Variants in LGR5 observed in about 807,000 individuals in gnomAD.
LGR5 encodes the protein leucine rich repeat containing G protein-coupled receptor 5.
A neutral mutation model predicts 76.7 loss-of-function variants in LGR5; 54 were observed. The ratio of observed to expected loss-of-function variants is 0.70; its 90% confidence interval spans 0.57 to 0.88. The LOEUF is 0.88. Ranked by LOEUF, LGR5 falls within the 40% of genes least tolerant of loss-of-function variation. LGR5 has a pLI of 0.00. For synonymous variants in LGR5, 406 were observed against 421.9 expected (o/e 0.96, Z 0.46); for missense variants, 1,078 against 1,073.3 (o/e 1.00, Z -0.06).
At chr12:71,484,545 G>A (rs748706372) in intron 1 of LGR5, among the ~76,000 whole-genome samples, 3 of 152,126 alleles carry the variant, frequency 2.0e-5, no homozygotes, top group Non-Finnish European at 4.4e-5. Context: ...CTCTGAGTGG[G>A]GTCTTTTCCT....
Position 71,504,175 on chromosome 12 carries a change from T to C in LGR5, c.213-439T>C, listed in dbSNP as rs571205829. Among the ~76,000 whole-genome samples, 4 of 152,334 alleles carry C rather than the reference T, an allele frequency of 2.6e-5. No individual in the cohort carries two copies. In the South Asian group the frequency reaches 8.3e-4, roughly 32 times the overall value. ...TTAAATTTCTTTGAATCAAAACATT[T>C]GTTTTTACAAGGTGCTTAAAGTCCC... On this transcript the variant is annotated intron_variant, in intron 1 of 17. Coordinates refer to ENST00000266674, the MANE Select transcript of LGR5 (RefSeq NM_003667.4).
upstream of LGR5, among the ~76,000 whole-genome samples, chr12:71,439,531 T>TG (rs146161102): frequency 0.011 from 1,679 of 151,490 alleles, 33 homozygotes; most frequent in African/African-American, 0.038. Flanking sequence ...GGGGTAAGGG[T>TG]GGGGGGGTCC....
chr12:71,498,261 T>C (rs56107425), intron 1 of LGR5, among the ~76,000 whole-genome samples: 13,614 of 152,098 alleles, frequency 0.09, 648 homozygotes, highest in Non-Finnish European at 0.11. Context: ...CTCCCAAGAG[T>C]ATTTTATTTC....
At chr12:71,452,961 C>G (rs538370756) in intron 1 of LGR5, among the ~76,000 whole-genome samples, 1 of 152,178 alleles carries the variant, frequency 6.6e-6, no homozygotes, top group Non-Finnish European at 1.5e-5. Context: ...TATTATCACA[C>G]TAAACTCATG....
At chr12:71,456,200 AT>A (rs1872467204) in intron 1 of LGR5, among the ~76,000 whole-genome samples, 1 of 152,190 alleles carries the variant, frequency 6.6e-6, no homozygotes. Context: ...ATAAGTCCAC[AT>A]AAAGACGGGG....
chr12:71,575,716 A>G (rs1280524324), intron 13 of LGR5, among the ~76,000 whole-genome samples: 1 of 91,798 alleles, frequency 1.1e-5, no homozygotes, highest in Non-Finnish European at 2.0e-5. Context: ...ATCTCAAAAA[A>G]TATATATGTG....
At chr12:71,481,672 A>G (rs1873609908) in intron 1 of LGR5, among the ~76,000 whole-genome samples, 1 of 152,214 alleles carries the variant, frequency 6.6e-6, no homozygotes, top group Admixed American at 6.5e-5. Context: ...TTGGCATGAA[A>G]GGGTCCCAGG....
intron 2 of LGR5, among the ~76,000 whole-genome samples, chr12:71,523,081 A>C (rs931042078): frequency 1.1e-4 from 17 of 152,166 alleles, no homozygotes; most frequent in Admixed American, 1.1e-3. Flanking sequence ...CACAAATACT[A>C]CTCAGAAGTT....
At chr12:71,439,690 A>C, upstream of LGR5, 2 of 205,300 alleles carry the variant, frequency 9.7e-6, no homozygotes, top group Non-Finnish European at 9.8e-6. Context: ...AGTGGAGGGA[A>C]AGTGGGGCCG....
chr12:71,439,320 G>A (rs1592442993), upstream of LGR5, among the ~76,000 whole-genome samples: 1 of 152,138 alleles, frequency 6.6e-6, no homozygotes, highest in East Asian at 1.9e-4. Context: ...CCCTGATAAC[G>A]TAACTATTTC....
At chr12:71,506,711 T>C (rs1030361665) in intron 2 of LGR5, among the ~76,000 whole-genome samples, 1 of 152,222 alleles carries the variant, frequency 6.6e-6, no homozygotes, top group Non-Finnish European at 1.5e-5. Context: ...GCTGACTTGC[T>C]GAATTTAAAA....
chr12:71,446,458 A>G (rs949558960), intron 1 of LGR5, among the ~76,000 whole-genome samples: 1 of 152,196 alleles, frequency 6.6e-6, no homozygotes, highest in Non-Finnish European at 1.5e-5. Flanking sequence ...GATACTAAAT[A>G]CTTTACTCAG....
chr12:71,581,869 A>T (rs532778262), intron 16 of LGR5, among the ~76,000 whole-genome samples: 2 of 152,354 alleles, frequency 1.3e-5, no homozygotes, highest in South Asian at 4.1e-4. Flanking sequence ...CTTTTAAAAA[A>T]TATTGGTCCC....
chr12:71,480,610 A>AG (rs780696124), intron 1 of LGR5, among the ~76,000 whole-genome samples: 2 of 152,072 alleles, frequency 1.3e-5, no homozygotes, highest in Non-Finnish European at 2.9e-5. Context: ...GTCAATCCGA[A>AG]GGGGGAAACC....
intron 1 of LGR5, among the ~76,000 whole-genome samples, chr12:71,473,812 T>C (rs1263276634): frequency 6.6e-6 from 1 of 152,062 alleles, no homozygotes; most frequent in Non-Finnish European, 1.5e-5. Context: ...TATCCTTAGA[T>C]CCTGAAGTAA....
At chr12:71,580,015 T>C (rs1481126295) in intron 15 of LGR5, among the ~76,000 whole-genome samples, 1 of 152,214 alleles carries the variant, frequency 6.6e-6, no homozygotes. Flanking sequence ...AACCTTTTTA[T>C]TTTGGAAATT....
intron 1 of LGR5, among the ~76,000 whole-genome samples, chr12:71,457,030 C>T (rs899741052): frequency 6.6e-6 from 1 of 151,990 alleles, no homozygotes; most frequent in African/African-American, 2.4e-5. Flanking sequence ...TGAATTTTGC[C>T]TATGGTAGGG....
chr12:71,520,186 A>G (rs1003051508), intron 2 of LGR5, among the ~76,000 whole-genome samples: 3 of 152,236 alleles, frequency 2.0e-5, no homozygotes, highest in African/African-American at 7.2e-5. Context: ...AACAAAATGC[A>G]GTATATACCT....
chr12:71,491,678 C>A (rs1463006327), intron 1 of LGR5, among the ~76,000 whole-genome samples: 1 of 150,024 alleles, frequency 6.7e-6, no homozygotes. Context: ...ATCAGTGGAC[C>A]CCTGTGGCAT....
Sources: gnomAD v4.1 joint callset for allele counts (sites outside exome capture counted in the v4.1 genomes callset) on GRCh38, gnomAD v4.1.1 for gene constraint, MANE v1.5 for transcripts, NCBI Gene and HGNC (gene_info 2026-07-23, HGNC 2026-07-21) for gene names.